Variants in KCNIP1 observed in about 807,000 individuals in gnomAD.
The protein encoded by KCNIP1 is potassium voltage-gated channel interacting protein 1.
In KCNIP1, 18 loss-of-function variants were observed where a neutral mutation model predicts 33.0. That is an observed-to-expected ratio of 0.55 (90% CI 0.38 to 0.81). The LOEUF is 0.81. KCNIP1 is among the 30% of genes least tolerant of loss of function. The pLI, the probability that KCNIP1 is intolerant of heterozygous loss-of-function variation, is 0.00. For missense variants in KCNIP1, 238 were observed against 271.6 expected (o/e 0.88, Z 0.87); for synonymous variants, 93 against 98.3 (o/e 0.95, Z 0.32).
chr5:170,578,916 A>G (rs1757696048), intron 1 of KCNIP1, among the ~76,000 whole-genome samples: 1 of 152,100 alleles, frequency 6.6e-6, no homozygotes, highest in East Asian at 1.9e-4. Flanking sequence ...AGCAAGAGGG[A>G]GGGCCCTGAG....
chr5:170,389,710 G>A (rs1343578319), intron 1 of KCNIP1: 2 of 152,288 alleles, frequency 1.3e-5, no homozygotes, highest in East Asian at 1.9e-4. Context: ...GTGGAGTTGG[G>A]CTGGAGGGGT....
chr5:170,429,737 C>T (rs74946506), intron 1 of KCNIP1, among the ~76,000 whole-genome samples: 10,951 of 152,238 alleles, frequency 0.072, 496 homozygotes, highest in Middle Eastern at 0.14. Context: ...CTTCACCTGG[C>T]TTGTTTCACT....
intron 1 of KCNIP1, among the ~76,000 whole-genome samples, chr5:170,666,307 G>A (rs916833252): frequency 6.6e-6 from 1 of 152,090 alleles, no homozygotes; most frequent in Non-Finnish European, 1.5e-5. Context: ...TCATTGAGGG[G>A]TTTGGGTTTT....
At chr5:170,394,336 A>T (rs1224885322) in intron 1 of KCNIP1, among the ~76,000 whole-genome samples, 1 of 152,176 alleles carries the variant, frequency 6.6e-6, no homozygotes, top group Non-Finnish European at 1.5e-5. Flanking sequence ...TGCATCCTCC[A>T]TTAACATGTC....
chr5:170,648,243 AC>A (rs1760872671), intron 1 of KCNIP1, among the ~76,000 whole-genome samples: 1 of 152,176 alleles, frequency 6.6e-6, no homozygotes, highest in East Asian at 1.9e-4. Flanking sequence ...AACTAAACAG[AC>A]CCTTACCATA....
At chr5:170,589,550 G>A (rs114606240) in intron 1 of KCNIP1, among the ~76,000 whole-genome samples, 2 of 152,278 alleles carry the variant, frequency 1.3e-5, no homozygotes, top group African/African-American at 4.8e-5. Flanking sequence ...GATAAATGCT[G>A]TGCAGGAAAA....
At chr5:170,478,580 C>G (rs533716772) in intron 1 of KCNIP1, among the ~76,000 whole-genome samples, 1 of 152,192 alleles carries the variant, frequency 6.6e-6, no homozygotes, top group Admixed American at 6.5e-5. Flanking sequence ...CAAGACTGTG[C>G]GACTCCACCA....
chr5:170,637,645 ACCCACG>A (rs1760340840), intron 1 of KCNIP1, among the ~76,000 whole-genome samples: 2 of 151,928 alleles, frequency 1.3e-5, no homozygotes. Context: ...TCCTGCAGAC[ACCCACG>A]AGGCTCATTT....
chr5:170,565,720 G>C (rs919675834), intron 1 of KCNIP1, among the ~76,000 whole-genome samples: 4 of 152,170 alleles, frequency 2.6e-5, no homozygotes, highest in African/African-American at 9.7e-5. Context: ...TTTAAAACTA[G>C]GATTTTAATC....
intron 1 of KCNIP1, chr5:170,712,772 C>A (rs574501613): frequency 8.4e-6 from 11 of 1,309,394 alleles, no homozygotes; most frequent in South Asian, 8.2e-5. Flanking sequence ...ACCCTCAGAG[C>A]GGCCTCTCTC....
At chr5:170,434,476 C>T (rs1275428866) in intron 1 of KCNIP1, among the ~76,000 whole-genome samples, 2 of 152,260 alleles carry the variant, frequency 1.3e-5, no homozygotes, top group South Asian at 2.1e-4. Context: ...CATACCTCTC[C>T]CCAGGAGATC....
intron 1 of KCNIP1, among the ~76,000 whole-genome samples, chr5:170,474,175 G>A (rs989535265): frequency 6.6e-6 from 1 of 152,194 alleles, no homozygotes; most frequent in Non-Finnish European, 1.5e-5. Context: ...GAAGAGGGCT[G>A]CTCAGAGACA....
chr5:170,518,174 T>C (rs1341786086), intron 1 of KCNIP1, among the ~76,000 whole-genome samples: 1 of 151,848 alleles, frequency 6.6e-6, no homozygotes, highest in Non-Finnish European at 1.5e-5. Flanking sequence ...GGTGATTATA[T>C]AGTGATGTAA....
At chr5:170,469,962 T>TG (rs1756687373) in intron 1 of KCNIP1, among the ~76,000 whole-genome samples, 1 of 152,116 alleles carries the variant, frequency 6.6e-6, no homozygotes. Context: ...ACAGCAGAGG[T>TG]TCACGTATTT....
At chr5:170,713,255 C>A (rs930635595) in intron 1 of KCNIP1, among the ~76,000 whole-genome samples, 1 of 152,178 alleles carries the variant, frequency 6.6e-6, no homozygotes, top group Admixed American at 6.5e-5. Flanking sequence ...TTTCTTATTA[C>A]TTTATCTCTT....
intron 1 of KCNIP1, among the ~76,000 whole-genome samples, chr5:170,394,324 T>G (rs1227865103): frequency 6.6e-6 from 1 of 152,224 alleles, no homozygotes; most frequent in African/African-American, 2.4e-5. Flanking sequence ...CATTTATTCA[T>G]GTGCATCCTC....
At chr5:170,626,034 A>G (rs905826) in intron 1 of KCNIP1, among the ~76,000 whole-genome samples, 72,397 of 151,928 alleles carry the variant, frequency 0.48, 17,841 homozygotes, top group East Asian at 0.67. Flanking sequence ...GGCGTGGGAT[A>G]AGGTTGGAGA....
upstream of KCNIP1, among the ~76,000 whole-genome samples, chr5:170,501,038 G>A (rs1356941047): frequency 6.6e-6 from 1 of 152,154 alleles, no homozygotes; most frequent in Admixed American, 6.5e-5. Context: ...AGAAACCGGA[G>A]GTTAAGCAGA....
At chr5:170,692,731 T>C (rs1250273461) in intron 1 of KCNIP1, among the ~76,000 whole-genome samples, 1 of 152,202 alleles carries the variant, frequency 6.6e-6, no homozygotes, top group Non-Finnish European at 1.5e-5. Flanking sequence ...TTCAATAAAC[T>C]CTTCTATATA....
Sources: allele counts gnomAD v4.1 joint callset (sites outside exome capture counted in the v4.1 genomes callset), GRCh38; gene constraint gnomAD v4.1.1; transcripts MANE v1.5; gene names NCBI Gene and HGNC (gene_info 2026-07-23, HGNC 2026-07-21).